Variants in SESN1 observed in about 807,000 individuals in gnomAD.
The protein encoded by SESN1 is sestrin-1.
Under a neutral mutation model 59.3 loss-of-function variants are expected in SESN1, and 30 were observed. That is an observed-to-expected ratio of 0.51 (90% CI 0.38 to 0.69). The LOEUF is 0.69. SESN1 is among the 30% of genes least tolerant of loss of function. SESN1 has a pLI of 0.00. For missense variants in SESN1, 566 were observed against 673.0 expected (o/e 0.84, Z 1.76); for synonymous variants, 197 against 219.9 (o/e 0.90, Z 0.92).
At position 109,053,072 on chromosome 6, in the gene SESN1, G is replaced by A. The variant is rs530677789; in HGVS notation, c.279+40723C>T. 4.6e-5 allele frequency among the ~76,000 whole-genome samples: 7 copies of A among 152,240 alleles called. No homozygotes were observed. The East Asian group carries it at 5.8e-4, about 13-fold the overall frequency. On this transcript the variant is annotated intron_variant, in intron 1 of 9. Coordinates refer to ENST00000436639, the MANE Select transcript of SESN1 (RefSeq NM_014454.3). Reference sequence around the variant, plus strand: ...TGTGTGTGTGTGTGTGTGTGCGTGCGTGTGTGCACAGCAGGGAATTGGGGG... The same window carrying A: ...TGTGTGTGTGTGTGTGTGTGCGTGCATGTGTGCACAGCAGGGAATTGGGGG...
chr6:109,089,203 T>A (rs1036959967), intron 1 of SESN1, among the ~76,000 whole-genome samples: 2 of 152,206 alleles, frequency 1.3e-5, no homozygotes, highest in African/African-American at 2.4e-5. Context: ...AAATTGCATA[T>A]GCACCACAGC....
At chr6:109,017,997 GTCTCT>G (rs1779953674) in intron 1 of SESN1, among the ~76,000 whole-genome samples, 3 of 152,128 alleles carry the variant, frequency 2.0e-5, no homozygotes, top group Non-Finnish European at 4.4e-5. Context: ...CGAGAACCCT[GTCTCT>G]TTCTATAGAA....
chr6:109,092,707 G>A lies in SESN1; in HGVS notation c.279+1088C>T, dbSNP rs72937067. On this transcript the variant is annotated intron_variant, in intron 1 of 9. Coordinates refer to ENST00000436639, the MANE Select transcript of SESN1 (RefSeq NM_014454.3). Reference sequence around the variant, plus strand: ...TACAGTCACTACAGTCTAGAAGATAGAGAAATAACTTTTTGTGTTTCAAAG... The same window carrying A: ...TACAGTCACTACAGTCTAGAAGATAAAGAAATAACTTTTTGTGTTTCAAAG... 4.3e-3 allele frequency among the ~76,000 whole-genome samples: 654 copies of A among 152,278 alleles called. 2 individuals are homozygous for A. The highest frequency in any genetic ancestry group is 7.3e-3 in the Non-Finnish European group (499 of 68,016).
In SESN1 at chr6:108,990,656, C is replaced by T. The variant is rs750161025; in HGVS notation, c.1413G>A (p.Met471Ile). 1.1e-5 allele frequency: 18 copies of T among 1,613,836 alleles called. No homozygotes were observed. The highest frequency in any genetic ancestry group is 1.5e-5 in the Non-Finnish European group (18 of 1,179,930). Residue 471 changes from methionine to isoleucine, a missense_variant, in exon 8 of 10, where the codon ATG becomes ATA. Met to Ile is a conservative substitution (Grantham distance 10). Coordinates refer to ENST00000436639, the MANE Select transcript of SESN1 (RefSeq NM_014454.3). ...RRAIWNYIHC[M>I]FGIRYDDYDY... ...GAAAGAAGACTAACCTTATTCCAAA[C>T]ATGCAGTGAATATAGTTCCAAATTG... is the stretch of plus-strand genomic sequence containing the variant.
At chr6:109,044,367 A>G (rs1322260426) in intron 1 of SESN1, among the ~76,000 whole-genome samples, 3 of 149,742 alleles carry the variant, frequency 2.0e-5, no homozygotes, top group Non-Finnish European at 4.4e-5. Flanking sequence ...AGGCAATTCA[A>G]TGGAGAAAGG....
chr6:108,985,952 T>C lies in SESN1; in HGVS notation c.*1592A>G, dbSNP rs946375924. ...GTCTTCTCATGAGAGTAAATATCCT[T>C]GAGGACAGGTACCACCTCTGTTCAA... is the stretch of plus-strand genomic sequence containing the variant. On this transcript the variant is annotated 3_prime_UTR_variant, in exon 10 of 10. Transcript: ENST00000436639. 4.6e-5 allele frequency among the ~76,000 whole-genome samples: 7 copies of C among 152,198 alleles called. No individual in the cohort carries two copies. The highest frequency in any genetic ancestry group is 1.4e-4 in the African/African-American group (6 of 41,440).
chr6:109,086,645 T>A (rs1361117092), intron 1 of SESN1, among the ~76,000 whole-genome samples: 1 of 152,226 alleles, frequency 6.6e-6, no homozygotes, highest in Non-Finnish European at 1.5e-5. Context: ...TAAGCCATTG[T>A]TTTAGAGGAT....
chr6:109,042,065 T>C (rs1780351629), intron 1 of SESN1, among the ~76,000 whole-genome samples: 1 of 152,010 alleles, frequency 6.6e-6, no homozygotes, highest in African/African-American at 2.4e-5. Context: ...AATGGAAGCC[T>C]GGACACATTT....
chr6:109,008,025 C>T (rs948087286), intron 1 of SESN1, among the ~76,000 whole-genome samples: 8 of 152,110 alleles, frequency 5.3e-5, no homozygotes, highest in African/African-American at 1.9e-4. Flanking sequence ...CCTAAGTTAT[C>T]TTCTCACATG....
intron 1 of SESN1, among the ~76,000 whole-genome samples, chr6:109,071,871 C>T (rs1030738835): frequency 1.3e-5 from 2 of 152,210 alleles, no homozygotes; most frequent in Admixed American, 1.3e-4. Context: ...ATAAGTTTAA[C>T]ATGCAGCAGG....
At chr6:109,087,548 AAT>A (rs973213922) in intron 1 of SESN1, among the ~76,000 whole-genome samples, 1 of 152,214 alleles carries the variant, frequency 6.6e-6, no homozygotes, top group Non-Finnish European at 1.5e-5. Flanking sequence ...GTATCAATAA[AAT>A]AAGAAAGGCC....
intron 8 of SESN1, 146 bp from the exon 9 acceptor site, chr6:108,988,833 T>G (rs1779276437): frequency 3.4e-6 from 2 of 589,332 alleles, no homozygotes; most frequent in Non-Finnish European, 5.7e-6. Flanking sequence ...GCTTTATAAC[T>G]GCAGATGAAT....
chr6:109,034,469 T>C lies in SESN1; in HGVS notation c.280-32126A>G, dbSNP rs140891279. On this transcript the variant is annotated intron_variant, in intron 1 of 9. Coordinates refer to ENST00000436639, the MANE Select transcript of SESN1 (RefSeq NM_014454.3). ...TCAATTCTTTGAGTATCTTTCATTA[T>C]TGATATATTTTCAAGAAAATTTACT... is the stretch of plus-strand genomic sequence containing the variant. Among the ~76,000 whole-genome samples the C allele has an allele frequency of 8.7e-3, 1,326 of 152,350 alleles. 23 individuals carry two copies. The highest frequency in any genetic ancestry group is 0.03 in the African/African-American group (1,256 of 41,586).
At position 109,000,545 on chromosome 6, in the gene SESN1, T is replaced by C; in HGVS notation, c.675A>G (p.Glu225=). The C allele has an allele frequency of 1.2e-6, 2 of 1,611,320 alleles. No individual in the cohort carries two copies. The highest frequency in any genetic ancestry group is 1.7e-6 in the Non-Finnish European group (2 of 1,178,520). ...NAPQKLQNLG[E]LNKVLAHRPW... is the part of the protein sequence containing the mutation. ...GTCTATGGGCTAACACTTTGTTAAG[T>C]TCTCCTAAATTCTGTAGTTTTTGAG... Residue 225 remains glutamate, a synonymous_variant, in exon 4 of 10, where the codon GAA becomes GAG. Transcript: ENST00000436639.
intron 1 of SESN1, among the ~76,000 whole-genome samples, chr6:109,091,357 A>C (rs1273465880): frequency 6.6e-6 from 1 of 152,192 alleles, no homozygotes; most frequent in Non-Finnish European, 1.5e-5. Context: ...AACAAATATG[A>C]TACCACCTAA....
At chr6:108,990,212 C>T (rs550573282) in intron 8 of SESN1, among the ~76,000 whole-genome samples, 4 of 151,962 alleles carry the variant, frequency 2.6e-5, no homozygotes, top group African/African-American at 4.8e-5. Context: ...ATTTTGATTA[C>T]GTATTATGAG....
intron 1 of SESN1, among the ~76,000 whole-genome samples, chr6:109,086,900 G>A (rs145658241): frequency 0.018 from 2,753 of 152,282 alleles, 28 homozygotes; most frequent in Non-Finnish European, 0.027. Context: ...TTGGGAGGCC[G>A]AGATGGGTGG....
chr6:109,011,588 CAGTAACCA>C (rs1779858583), intron 1 of SESN1, among the ~76,000 whole-genome samples: 2 of 151,704 alleles, frequency 1.3e-5, no homozygotes, highest in Admixed American at 6.6e-5. Context: ...AATAAATTTA[CAGTAACCA>C]AGAGTTCCAA....
chr6:109,001,353 G>A lies in SESN1; in HGVS notation c.481C>T (p.Gln161Ter). 15 of 1,613,858 alleles carry A rather than the reference G, an allele frequency of 9.3e-6. No homozygotes were observed. Among genetic ancestry groups the A allele is most frequent in the Non-Finnish European group, 1.3e-5 (15 of 1,179,792 alleles). ...PQYLESFLKT[Q>*]HYLLQMDGPL... ...CCATCCATTTGCAGTAGATAGTGCT[G>A]AGTTTTTAAGAAACTTTCTAAATAT... Residue 161 changes from glutamine to a stop codon, truncating the protein, a stop_gained, in exon 3 of 10, where the codon CAG becomes TAG. Coordinates refer to ENST00000436639, the MANE Select transcript of SESN1 (RefSeq NM_014454.3). LOFTEE classifies it high-confidence loss of function.
Sources: allele counts gnomAD v4.1 joint callset (sites outside exome capture counted in the v4.1 genomes callset), GRCh38; gene constraint gnomAD v4.1.1; transcripts MANE v1.5; gene names NCBI Gene and HGNC (gene_info 2026-07-23, HGNC 2026-07-21).